Variants in SUGCT observed in about 807,000 individuals in gnomAD.
SUGCT encodes succinyl-CoA:glutarate CoA-transferase.
In SUGCT, 41 loss-of-function variants were observed where a neutral mutation model predicts 55.0. The observed-to-expected ratio is 0.74, with a 90% CI of 0.58 to 0.97. The LOEUF (loss-of-function observed/expected upper bound fraction) is 0.97, where lower values mean the gene tolerates loss of function less well. SUGCT is among the 50% of genes least tolerant of loss of function. The probability of loss-of-function intolerance (pLI) is 0.00; values close to 1 mark genes in which losing one functional copy is unlikely to be tolerated. For synonymous variants in SUGCT, 187 were observed against 200.4 expected, an observed-to-expected ratio of 0.93 and a Z score of 0.56; for missense variants, 568 against 547.8, an observed-to-expected ratio of 1.04 and a Z score of -0.37.
intron 13 of SUGCT, among the ~76,000 whole-genome samples, chr7:40,858,572 A>G (rs1415629184): frequency 6.6e-6 from 1 of 152,176 alleles, no homozygotes; most frequent in Non-Finnish European, 1.5e-5. Context: ...GACGGGTTTT[A>G]GATTAAAACT....
At chr7:40,494,151 T>G (rs1221049684) in intron 11 of SUGCT, among the ~76,000 whole-genome samples, 1 of 152,172 alleles carries the variant, frequency 6.6e-6, no homozygotes, top group Non-Finnish European at 1.5e-5. Flanking sequence ...CAGCCATGGG[T>G]TGTTTGGATA....
At chr7:40,844,305 T>C (rs1793445242) in intron 13 of SUGCT, among the ~76,000 whole-genome samples, 2 of 152,108 alleles carry the variant, frequency 1.3e-5, no homozygotes, top group South Asian at 2.1e-4. Context: ...CAAGTTTTTG[T>C]CCAGTGTCCA....
intron 10 of SUGCT, among the ~76,000 whole-genome samples, chr7:40,454,334 A>G (rs953968773): frequency 6.6e-6 from 1 of 152,180 alleles, no homozygotes; most frequent in South Asian, 2.1e-4. Flanking sequence ...CAAACCATAA[A>G]TGGGATAAAC....
rs67739412 is a variant in SUGCT at position 40,262,495 on chromosome 7, C to CAA, written c.577-11999_577-11998dup. 6.0e-3 allele frequency among the ~76,000 whole-genome samples: 737 copies of CAA among 122,010 alleles called. 5 individuals carry two copies. Among genetic ancestry groups the CAA allele is most frequent in the South Asian group, 0.012 (43 of 3,640 alleles). The allele number at this position is 122,010 out of a possible 152,430, so 80.0% of individuals were successfully genotyped here. On this transcript the variant is annotated intron_variant, in intron 7 of 13. Transcript: ENST00000335693. ...GAAACCCCCGTCTCTACCGAAAATA[C>CAA]AAAAAAAAAAAAAAAAAAAATTAGC... is the stretch of plus-strand genomic sequence containing the variant.
the SUGCT span, among the ~76,000 whole-genome samples, chr7:40,988,903 T>A: frequency 6.7e-6 from 1 of 148,536 alleles, no homozygotes; most frequent in African/African-American, 2.5e-5. Context: ...AGTTTTTTTT[T>A]GTTTGTTTGT....
the SUGCT span, among the ~76,000 whole-genome samples, chr7:40,951,498 T>A: frequency 6.6e-6 from 1 of 152,198 alleles, no homozygotes; most frequent in Non-Finnish European, 1.5e-5. Context: ...TCTGCTAGCT[T>A]TTGAATGTGT....
chr7:40,575,540 A>C (rs1436287930), intron 12 of SUGCT, among the ~76,000 whole-genome samples: 1 of 152,004 alleles, frequency 6.6e-6, no homozygotes, highest in African/African-American at 2.4e-5. Context: ...CCCCCACCCC[A>C]CATCTTTTAA....
chr7:40,348,291 G>A (rs1350521032), intron 9 of SUGCT, among the ~76,000 whole-genome samples: 2 of 152,190 alleles, frequency 1.3e-5, no homozygotes, highest in South Asian at 2.1e-4. Context: ...GCACTTGTCC[G>A]GCAGGATATT....
At chr7:41,004,074 C>T in the SUGCT span, among the ~76,000 whole-genome samples, 1 of 152,186 alleles carries the variant, frequency 6.6e-6, no homozygotes, top group African/African-American at 2.4e-5. Flanking sequence ...CTGGATCGCC[C>T]CACTAAGGAC....
At chr7:40,326,146 G>A (rs982439441) in intron 9 of SUGCT, among the ~76,000 whole-genome samples, 1 of 152,002 alleles carries the variant, frequency 6.6e-6, no homozygotes, top group African/African-American at 2.4e-5. Context: ...AGTACCCTGT[G>A]GGGTAGGCAG....
At chr7:40,165,721 A>G (rs1389140810) in intron 1 of SUGCT, among the ~76,000 whole-genome samples, 1 of 125,074 alleles carries the variant, frequency 8.0e-6, no homozygotes, top group Non-Finnish European at 1.9e-5. Flanking sequence ...CCTGTTCCTT[A>G]GAATAATCAT....
At chr7:40,162,969 C>A (rs1478269495) in intron 1 of SUGCT, among the ~76,000 whole-genome samples, 1 of 152,082 alleles carries the variant, frequency 6.6e-6, no homozygotes, top group South Asian at 2.1e-4. Flanking sequence ...TACAAATTAG[C>A]CCAATCTCAG....
rs1053491886 is a variant in SUGCT, at chr7:40,466,433, G to A, written c.986+7235G>A. On this transcript the variant is annotated intron_variant, in intron 11 of 13. Transcript: ENST00000335693. ...CCTTTAAAATAAGCACAAGTTTTAG[G>A]AGCTTTTCTGGCCTCGCTAGTCTGT... Among the ~76,000 whole-genome samples, 16 of 152,232 alleles carry A rather than the reference G, an allele frequency of 1.1e-4. No individual in the cohort carries two copies. In the East Asian group the frequency reaches 2.7e-3, roughly 26 times the overall value.
At chr7:40,885,662 A>T in the SUGCT span, among the ~76,000 whole-genome samples, 1 of 152,060 alleles carries the variant, frequency 6.6e-6, no homozygotes, top group East Asian at 1.9e-4. Context: ...TCCCAGAATG[A>T]CTCATCAACC....
intron 12 of SUGCT, among the ~76,000 whole-genome samples, chr7:40,602,630 C>T (rs553961320): frequency 2.6e-3 from 398 of 152,318 alleles, no homozygotes; most frequent in Non-Finnish European, 4.1e-3. Context: ...GCTGTTTACT[C>T]ATATAGCCTC....
intron 6 of SUGCT, among the ~76,000 whole-genome samples, chr7:40,215,196 G>A (rs928872424): frequency 3.9e-5 from 6 of 152,070 alleles, no homozygotes; most frequent in Non-Finnish European, 5.9e-5. Context: ...AGGATGGAGT[G>A]CAGTGGAGCG....
the SUGCT span, among the ~76,000 whole-genome samples, chr7:40,904,700 T>G: frequency 6.6e-6 from 1 of 152,206 alleles, no homozygotes; most frequent in African/African-American, 2.4e-5. Flanking sequence ...TAAGTATATT[T>G]TGTTGCAATA....
intron 1 of SUGCT, among the ~76,000 whole-genome samples, chr7:40,178,992 TATA>T (rs1484739796): frequency 1.3e-5 from 2 of 152,216 alleles, no homozygotes; most frequent in African/African-American, 4.8e-5. Context: ...TCTGCCTTTC[TATA>T]ATATTTTTCC....
chr7:41,000,181 T>A, the SUGCT span, among the ~76,000 whole-genome samples: 7 of 152,152 alleles, frequency 4.6e-5, no homozygotes, highest in Non-Finnish European at 1.0e-4. Flanking sequence ...TGTGTGTGCA[T>A]GCATTACTCA....
Sources: allele counts gnomAD v4.1 joint callset (sites outside exome capture counted in the v4.1 genomes callset), GRCh38; gene constraint gnomAD v4.1.1; transcripts MANE v1.5; gene names NCBI Gene and HGNC (gene_info 2026-07-23, HGNC 2026-07-21).